Variants in CMYA5 observed in about 807,000 individuals in gnomAD.
CMYA5 encodes cardiomyopathy associated 5.
CMYA5 carries 246 observed loss-of-function variants against 318.9 expected under a neutral mutation model. The ratio of observed to expected loss-of-function variants is 0.77; its 90% confidence interval spans 0.70 to 0.86. CMYA5 has a LOEUF of 0.86. Ranked by LOEUF, CMYA5 falls within the 40% of genes least tolerant of loss-of-function variation. The pLI, the probability that CMYA5 is intolerant of heterozygous loss-of-function variation, is 0.00. For synonymous variants in CMYA5, 1,641 were observed against 1,729.5 expected, an observed-to-expected ratio of 0.95 and a Z score of 1.27; for missense variants, 4,589 against 4,678.2, an observed-to-expected ratio of 0.98 and a Z score of 0.56.
At position 79,732,895 on chromosome 5, in the gene CMYA5, C is replaced by A. The variant is rs1827950972; in HGVS notation, c.4130C>A (p.Ser1377Ter). Residue 1377 changes from serine (S) to a stop codon, truncating the protein, a stop_gained, in exon 2 of 13, where the codon TCA becomes TAA. Coordinates refer to ENST00000446378, the MANE Select transcript of CMYA5 (RefSeq NM_153610.5). LOFTEE classifies it high-confidence loss of function. ...RAVKEEIPTD[S>*]SLITPVDRPV... ...GTAAAAGAAGAAATCCCAACAGATTCATCTCTTATCACTCCTGTAGATCGT... is the reference window on the plus strand; with the variant it reads ...GTAAAAGAAGAAATCCCAACAGATTAATCTCTTATCACTCCTGTAGATCGT... 1.2e-6 allele frequency: 2 copies of A among 1,613,786 alleles called. No homozygotes were observed. The highest frequency in any genetic ancestry group is 8.5e-7 in the Non-Finnish European group (1 of 1,179,820).
At chr5:79,715,412 C>T (rs1184869292) in intron 1 of CMYA5, among the ~76,000 whole-genome samples, 3 of 152,056 alleles carry the variant, frequency 2.0e-5, no homozygotes, top group Non-Finnish European at 4.4e-5. Context: ...CTCAGCCTCC[C>T]GAGTAGCTGG....
At position 79,731,996 on chromosome 5, in the gene CMYA5, C is replaced by G. The variant is rs779995224; in HGVS notation, c.3231C>G (p.Asp1077Glu). 1.2e-6 allele frequency: 2 copies of G among 1,613,906 alleles called. No homozygotes were observed. Among genetic ancestry groups the G allele is most frequent in the South Asian group, 2.2e-5 (2 of 91,066 alleles). The change falls in exon 2 of 13, where the codon GAC becomes GAG. Residue 1077 changes from aspartate (D) to glutamate (E), a missense_variant. This residue lies in a region of CMYA5 where 2,132 missense variants were observed against 2,131.3 expected (regional missense o/e 1.00). Transcript: ENST00000446378. The part of the protein sequence containing the change: ...ETFPLMSPLE[D>E]LSLPPSTDKS... ...TCCCTTTGATGTCTCCGCTTGAAGACTTAAGTCTGCCGCCTTCAACAGATA... is the reference window on the plus strand; with the variant it reads ...TCCCTTTGATGTCTCCGCTTGAAGAGTTAAGTCTGCCGCCTTCAACAGATA...
Position 79,800,147 on chromosome 5 carries a change from C to G in CMYA5, c.*531C>G, listed in dbSNP as rs1829349085. 6.5e-6 allele frequency: 1 copy of G among 152,686 alleles called. No homozygotes were observed. The allele number at this position is 152,686 out of a possible 1,614,324, so 9.5% of individuals were successfully genotyped here. ...ACTGTAGAACATGAGTCTCTCCTCCCTAAAATTTTAAATGTAGAAAAGTGC... is the reference window on the plus strand; with the variant it reads ...ACTGTAGAACATGAGTCTCTCCTCCGTAAAATTTTAAATGTAGAAAAGTGC... On this transcript the variant is annotated 3_prime_UTR_variant, in exon 13 of 13. Transcript: ENST00000446378.
chr5:79,693,409 C>T (rs138983144), intron 1 of CMYA5, among the ~76,000 whole-genome samples: 279 of 150,838 alleles, frequency 1.8e-3, no homozygotes, highest in African/African-American at 6.3e-3. Flanking sequence ...GGCGTGATCA[C>T]GGCTCACTGC....
At position 79,738,471 on chromosome 5, in the gene CMYA5, AT is replaced by A. The variant is rs1828136170; in HGVS notation, c.9707del (p.Ile3236AsnfsTer18). ...TTCTGACACTGATGATGGAACAGGAATATATTTTGAGAAGTACATACTCAAA... is the reference window on the plus strand; with the variant it reads ...TTCTGACACTGATGATGGAACAGGAAATATTTTGAGAAGTACATACTCAAA... ...RNSDTDDGTG[I>X]YFEKYILKDD... On this transcript the variant is annotated frameshift_variant, in exon 2 of 13. Transcript: ENST00000446378. LOFTEE classifies it high-confidence loss of function. The A allele has an allele frequency of 1.2e-6, 2 of 1,613,610 alleles. No homozygotes were observed. The highest frequency in any genetic ancestry group is 1.7e-5 in the Admixed American group (1 of 59,958).
Position 79,790,411 on chromosome 5 carries a change from AG to A in CMYA5, c.11690-557del, listed in dbSNP as rs1829155141. On this transcript the variant is annotated intron_variant, in intron 10 of 12. Coordinates refer to ENST00000446378, the MANE Select transcript of CMYA5 (RefSeq NM_153610.5). ...CAGCCTCCTGAGTAGCTGGGATTAC[AG>A]GTGCGCACCACCATGCCTGGCTAAT... 2.0e-5 allele frequency among the ~76,000 whole-genome samples: 3 copies of A among 152,068 alleles called. No individual in the cohort carries two copies. The South Asian group carries it at 6.2e-4, about 32-fold the overall frequency.
intron 11 of CMYA5, 25 bp from the exon 12 acceptor site, chr5:79,793,412 A>G: frequency 1.2e-6 from 2 of 1,602,316 alleles, no homozygotes; most frequent in Non-Finnish European, 1.7e-6. Context: ...TGCACTGAGC[A>G]TACTCTGATT....
Position 79,735,065 on chromosome 5 carries a change from G to A in CMYA5, c.6300G>A (p.Lys2100=), listed in dbSNP as rs753128547. The A allele has an allele frequency of 6.2e-7, 1 of 1,613,840 alleles. No homozygotes were observed. The highest frequency in any genetic ancestry group is 8.5e-7 in the Non-Finnish European group (1 of 1,179,802). The change falls in exon 2 of 13, where the codon AAG becomes AAA. Residue 2100 remains lysine (K), a synonymous_variant. Coordinates refer to ENST00000446378, the MANE Select transcript of CMYA5 (RefSeq NM_153610.5). ...HRSTPPFPEE[K]PLEESKMVQS... is the part of the protein sequence containing the mutation. ...GCACACCTCCTTTTCCTGAAGAGAA[G>A]CCATTGGAAGAATCAAAAATGGTTC...
chr5:79,796,319 C>G (rs1402206407), intron 12 of CMYA5, among the ~76,000 whole-genome samples: 1 of 145,860 alleles, frequency 6.9e-6, no homozygotes, highest in Non-Finnish European at 1.5e-5. Flanking sequence ...TTTTGTTTAA[C>G]TTTAATTTTT....
At chr5:79,785,396 A>AT (rs925437847) in intron 9 of CMYA5, among the ~76,000 whole-genome samples, 1 of 152,096 alleles carries the variant, frequency 6.6e-6, no homozygotes, top group African/African-American at 2.4e-5. Flanking sequence ...GAGAATTGAA[A>AT]TTTTTATGAT....
At chr5:79,761,673 G>T (rs1313229560) in intron 7 of CMYA5, 138 bp from the exon 8 acceptor site, 2 of 827,784 alleles carry the variant, frequency 2.4e-6, no homozygotes, top group Admixed American at 5.9e-5. Context: ...TAAGGAGCTG[G>T]TTTTCACATA....
chr5:79,766,971 C>T (rs972573260), intron 9 of CMYA5, among the ~76,000 whole-genome samples: 6 of 152,164 alleles, frequency 3.9e-5, no homozygotes, highest in Admixed American at 1.3e-4. Flanking sequence ...TAATTACTGT[C>T]TCAATTTCAG....
Position 79,689,974 on chromosome 5 carries a change from AC to A in CMYA5, c.70del (p.Arg24GlyfsTer51). 1 of 1,342,036 alleles carries A rather than the reference AC, an allele frequency of 7.5e-7. No homozygotes were observed. The highest frequency in any genetic ancestry group is 1.0e-6 in the Non-Finnish European group (1 of 966,278). 83.1% of individuals were successfully genotyped at this position (1,342,036 alleles called of 1,614,324 possible). A position where few individuals can be genotyped will look rare whatever the true frequency, so the allele number is the denominator to read the frequency against. On this transcript the variant is annotated frameshift_variant, in exon 1 of 13. Coordinates refer to ENST00000446378, the MANE Select transcript of CMYA5 (RefSeq NM_153610.5). LOFTEE classifies it high-confidence loss of function. ...FLGSDGDEEA[T>X]RELETEEESE... The stretch of plus-strand genomic sequence containing the variant: ...CGGCTCCGACGGGGACGAGGAGGCG[AC>A]CCGGGAGCTGGAGACCGAGGAGGAG...
In CMYA5 at chr5:79,730,495, T is replaced by G; in HGVS notation, c.1730T>G (p.Leu577Trp). The change falls in exon 2 of 13, where the codon TTG becomes TGG. Residue 577 changes from leucine (L) to tryptophan (W), a missense_variant. Physicochemically the swap from Leu to Trp is moderately conservative, Grantham distance 61 (BLOSUM62 -2). Transcript: ENST00000446378. ...GCATCATCTCCTGAACATGTTGCTT[T>G]GTCTGAGGAAGAAAGAGAGGAAATT... Reference protein sequence around the residue: ...LAASSPEHVALSEEEREEIAS... With the variant: ...LAASSPEHVAWSEEEREEIAS... 6.2e-7 allele frequency: 1 copy of G among 1,613,844 alleles called. No homozygotes were observed. The highest frequency in any genetic ancestry group is 8.5e-7 in the Non-Finnish European group (1 of 1,179,888).
In CMYA5 at chr5:79,737,904, C is replaced by A; in HGVS notation, c.9139C>A (p.Pro3047Thr). 6.2e-7 allele frequency: 1 copy of A among 1,605,262 alleles called. No individual in the cohort carries two copies. ...TDLSFIQPTI[P>T]SEEDYFEKYT... ...TTTATCATTTATTCAGCCCACAATT[C>A]CCAGTGAAGAGGATTATTTTGAAAA... The change falls in exon 2 of 13, where the codon CCC becomes ACC. Residue 3047 changes from proline (P) to threonine (T), a missense_variant. Pro to Thr is a conservative substitution (Grantham distance 38). Coordinates refer to ENST00000446378, the MANE Select transcript of CMYA5 (RefSeq NM_153610.5).
intron 3 of CMYA5, 74 bp from the exon 4 acceptor site, chr5:79,745,148 T>A (rs1248782986): frequency 1.1e-6 from 1 of 907,674 alleles, no homozygotes; most frequent in East Asian, 2.6e-5. Context: ...AAAAGGCTGG[T>A]GTTTCCAAAA....
intron 9 of CMYA5, among the ~76,000 whole-genome samples, chr5:79,786,185 C>T (rs1829078504): frequency 6.6e-6 from 1 of 152,194 alleles, no homozygotes; most frequent in Non-Finnish European, 1.5e-5. Flanking sequence ...AGTTTCAGCT[C>T]CACTGGAGCT....
chr5:79,744,064 G>T (rs1828271408), intron 3 of CMYA5, 142 bp downstream of exon 3: 2 of 514,576 alleles, frequency 3.9e-6, no homozygotes, highest in Admixed American at 7.7e-5. Context: ...TTCAAAGCGA[G>T]AATGCTTAAA....
chr5:79,718,399 A>G (rs1197268589), intron 1 of CMYA5, among the ~76,000 whole-genome samples: 5 of 152,252 alleles, frequency 3.3e-5, no homozygotes, highest in South Asian at 4.2e-4. Context: ...GGCTTAAAAT[A>G]TATCTTTCAA....
Sources: allele counts gnomAD v4.1 joint callset (sites outside exome capture counted in the v4.1 genomes callset), GRCh38; gene constraint gnomAD v4.1.1; regional missense constraint gnomAD v4.1.1; transcripts MANE v1.5; gene names NCBI Gene and HGNC (gene_info 2026-07-23, HGNC 2026-07-21).